The following SAV1 variants were observed in gnomAD, a reference collection of about 807,000 sequenced individuals.
SAV1 encodes the protein salvador family WW domain containing protein 1.
Under a neutral mutation model 47.3 loss-of-function variants are expected in SAV1, and 23 were observed. The ratio of observed to expected loss-of-function variants is 0.49; its 90% confidence interval spans 0.35 to 0.69. The LOEUF (loss-of-function observed/expected upper bound fraction) is 0.69. SAV1 is among the 30% of genes least tolerant of loss of function. The pLI is 0.01. For synonymous variants in SAV1, 155 were observed against 159.2 expected, an observed-to-expected ratio of 0.97 and a Z score of 0.20; for missense variants, 448 against 457.4, an observed-to-expected ratio of 0.98 and a Z score of 0.19.
chr14:50,637,093 T>A (rs79696473), intron 4 of SAV1, among the ~76,000 whole-genome samples: 1,649 of 152,318 alleles, frequency 0.011, 27 homozygotes, highest in African/African-American at 0.036. Flanking sequence ...TCTATTCAAC[T>A]TGAGTATGTG....
At chr14:50,659,736 C>T (rs529211857) in intron 2 of SAV1, among the ~76,000 whole-genome samples, 1 of 152,290 alleles carries the variant, frequency 6.6e-6, no homozygotes, top group East Asian at 1.9e-4. Context: ...GTCCCAGCTA[C>T]TCAGGAGGCT....
intron 4 of SAV1, among the ~76,000 whole-genome samples, chr14:50,640,295 T>C (rs1469255459): frequency 2.0e-5 from 3 of 152,186 alleles, no homozygotes; most frequent in Admixed American, 6.6e-5. Context: ...TTTTAAAATT[T>C]TTCTGTGGAA....
At chr14:50,636,833 G>A (rs913596000) in intron 4 of SAV1, among the ~76,000 whole-genome samples, 7 of 152,148 alleles carry the variant, frequency 4.6e-5, no homozygotes, top group South Asian at 4.1e-4. Context: ...TTAGGGAAAC[G>A]CATGTTATAC....
intron 1 of SAV1, among the ~76,000 whole-genome samples, chr14:50,667,225 A>AGG (rs11359113): frequency 6.7e-6 from 1 of 149,708 alleles, no homozygotes; most frequent in African/African-American, 2.5e-5. Flanking sequence ...AAACTTTTCG[A>AGG]GGGGGGGGTT....
intron 2 of SAV1, chr14:50,662,435 G>C (rs1462476523): frequency 6.6e-6 from 1 of 152,124 alleles, no homozygotes; most frequent in Admixed American, 6.5e-5. Context: ...CCAAAGTGCT[G>C]GGATTACAGG....
intron 3 of SAV1, among the ~76,000 whole-genome samples, chr14:50,644,129 C>G (rs1410404050): frequency 6.6e-6 from 1 of 152,184 alleles, no homozygotes; most frequent in East Asian, 1.9e-4. Context: ...TAATCACATT[C>G]AAGGGCTCAA....
At chr14:50,655,145 AAAG>A (rs1176033916) in intron 2 of SAV1, among the ~76,000 whole-genome samples, 18 of 152,328 alleles carry the variant, frequency 1.2e-4, no homozygotes, top group Admixed American at 4.6e-4. Flanking sequence ...TTTAAACAGA[AAAG>A]AAGCCAATGT....
chr14:50,646,326 CAGT>C (rs1595639765), intron 2 of SAV1, among the ~76,000 whole-genome samples: 2 of 152,204 alleles, frequency 1.3e-5, no homozygotes, highest in African/African-American at 4.8e-5. Context: ...TTTCAGACTG[CAGT>C]TGCAGAGGTA....
chr14:50,664,808 G>A (rs936149442), intron 2 of SAV1: 1 of 158,924 alleles, frequency 6.3e-6, no homozygotes, highest in African/African-American at 2.4e-5. Flanking sequence ...AAGTGTCTCT[G>A]AGGACTCCGT....
At chr14:50,643,864 A>G (rs531625089) in intron 3 of SAV1, among the ~76,000 whole-genome samples, 6 of 152,254 alleles carry the variant, frequency 3.9e-5, no homozygotes, top group Admixed American at 6.5e-5. Flanking sequence ...ACACATTTTC[A>G]TAACTATTTT....
chr14:50,667,331 G>C, intron 1 of SAV1: 1 of 442,664 alleles, frequency 2.3e-6, no homozygotes, highest in Admixed American at 2.4e-5. Flanking sequence ...TGCTGTGTAA[G>C]AGTGATGAGG....
intron 4 of SAV1, among the ~76,000 whole-genome samples, chr14:50,638,562 G>A (rs1034129441): frequency 2.6e-5 from 4 of 151,964 alleles, no homozygotes; most frequent in Non-Finnish European, 4.4e-5. Flanking sequence ...GCACCCACCC[G>A]CCATAACACT....
At chr14:50,656,354 T>C (rs1031206355) in intron 2 of SAV1, among the ~76,000 whole-genome samples, 29 of 151,882 alleles carry the variant, frequency 1.9e-4, no homozygotes, top group African/African-American at 6.5e-4. Flanking sequence ...CTAACGCTAT[T>C]AAAAAACTCC....
In SAV1 at chr14:50,665,554, C is replaced by T. The variant is rs1356665838; in HGVS notation, c.160G>A (p.Asp54Asn). The T allele has an allele frequency of 1.2e-6, 2 of 1,613,920 alleles. No individual in the cohort carries two copies. Among genetic ancestry groups the T allele is most frequent in the African/African-American group, 2.7e-5 (2 of 75,010 alleles). ...GTTGAAAAGGCATTAGGGCTTGAAT[C>T]TGGAAGACAGATATCAGTTCGTCTT... is the stretch of plus-strand genomic sequence containing the variant. ...IPRRTDICLP[D>N]SSPNAFSTSG... is the part of the protein sequence containing the mutation. Residue 54 changes from aspartate (D) to asparagine (N), a missense_variant, in exon 2 of 5, where the codon GAT (aspartate) becomes AAT (asparagine). Asp to Asn is a conservative substitution (Grantham distance 23). Coordinates refer to ENST00000324679, the MANE Select transcript of SAV1 (RefSeq NM_021818.4).
At chr14:50,667,088 G>A (rs569180730) in intron 1 of SAV1, among the ~76,000 whole-genome samples, 2 of 152,070 alleles carry the variant, frequency 1.3e-5, no homozygotes, top group South Asian at 4.1e-4. Context: ...CCTCACAAAT[G>A]TCCTGAACAC....
In SAV1 at chr14:50,634,448, A is replaced by G; in HGVS notation, c.*735T>C. The G allele has an allele frequency of 9.3e-6, 2 of 214,392 alleles. No individual in the cohort carries two copies. Among genetic ancestry groups the G allele is most frequent in the South Asian group, 1.2e-4 (2 of 16,140 alleles). The allele number at this position is 214,392 out of a possible 1,614,324, so 13.3% of individuals were successfully genotyped here. ...CCTGCAACCTCTGCCTCTTGGGCTC[A>G]AGCCATCCTCTGACCTCAGCCTCCC... On this transcript the variant is annotated 3_prime_UTR_variant, in exon 5 of 5. Transcript: ENST00000324679.
chr14:50,637,223 G>C (rs1366482721), intron 4 of SAV1, among the ~76,000 whole-genome samples: 1 of 152,068 alleles, frequency 6.6e-6, no homozygotes, highest in Non-Finnish European at 1.5e-5. Flanking sequence ...AGATTTCTTT[G>C]GTAGGAAGCT....
intron 2 of SAV1, among the ~76,000 whole-genome samples, chr14:50,663,576 CATAAA>C (rs1327938996): frequency 1.3e-5 from 2 of 152,192 alleles, no homozygotes; most frequent in African/African-American, 2.4e-5. Flanking sequence ...TGTCAGCTTT[CATAAA>C]ATAAGTTGTT....
rs552401187 is a variant in SAV1 at position 50,667,643 on chromosome 14, T to C, written c.94+231A>G. ...GTGGGGCGAGGAAGTCTGTTATTTT[T>C]AGGGGGTGCTCTTGGGGGGGTTAGG... On this transcript the variant is annotated intron_variant, in intron 1 of 4. Transcript: ENST00000324679. 40 of 439,084 alleles carry C rather than the reference T, an allele frequency of 9.1e-5. No individual in the cohort carries two copies. The South Asian group carries it at 1.3e-3, about 14-fold the overall frequency. The allele number at this position is 439,084 out of a possible 1,614,324, so 27.2% of individuals were successfully genotyped here.
Sources: gnomAD v4.1 joint callset for allele counts (sites outside exome capture counted in the v4.1 genomes callset) on GRCh38, gnomAD v4.1.1 for gene constraint, MANE v1.5 for transcripts, NCBI Gene and HGNC (gene_info 2026-07-23, HGNC 2026-07-21) for gene names.